CHAF1A: variants seen among roughly 807,000 people sequenced by gnomAD.
CHAF1A encodes CAF-1 subunit A.
CHAF1A carries 5 observed loss-of-function variants against 93.2 expected under a neutral mutation model. The ratio of observed to expected loss-of-function variants is 0.05; its 90% CI spans 0.03 to 0.11. The LOEUF is 0.11. Among genes scored for constraint, CHAF1A ranks in the 10% least tolerant of loss-of-function variants. The pLI is 1.00. For missense variants in CHAF1A, 1,102 were observed against 1,259.9 expected (o/e 0.87, Z 1.90); for synonymous variants, 504 against 510.3 (o/e 0.99, Z 0.17).
At chr19:4,434,899 C>T (rs1018584845) in intron 13 of CHAF1A, among the ~76,000 whole-genome samples, 1 of 152,022 alleles carries the variant, frequency 6.6e-6, no homozygotes, top group Non-Finnish European at 1.5e-5. Context: ...CTCGGAGGCA[C>T]AAGCGCATGG....
downstream of CHAF1A, chr19:4,446,153 C>T (rs374021818): frequency 2.5e-5 from 40 of 1,610,714 alleles, no homozygotes; most frequent in Admixed American, 3.3e-5. Flanking sequence ...GCCTCCCGGA[C>T]GAACCCGTAC....
intron 3 of CHAF1A, among the ~76,000 whole-genome samples, chr19:4,413,002 G>A (rs572654844): frequency 6.8e-4 from 103 of 152,238 alleles, no homozygotes; most frequent in African/African-American, 2.3e-3. Context: ...CTTTATCTCC[G>A]AACCTTTAAG....
chr19:4,433,264 C>A lies in CHAF1A; in HGVS notation c.2398C>A (p.Arg800=), dbSNP rs1974222312. The change falls in exon 13 of 15, where the codon CGG becomes AGG. Residue 800 remains arginine, a synonymous_variant. Coordinates refer to ENST00000301280, the MANE Select transcript of CHAF1A (RefSeq NM_005483.3). This position sits in a 1 kb window ranked among gnomAD's most constrained non-coding sequence, Gnocchi z 5.6. ...AAIPSKSRLK[R]LISENSVYEK... ...CATCCCCTCTAAGTCCCGGCTCAAG[C>A]GGCTCATTTCCGAGAACTCAGTGTA... The A allele has an allele frequency of 6.2e-7, 1 of 1,614,196 alleles. No individual in the cohort carries two copies. The highest frequency in any genetic ancestry group is 8.5e-7 in the Non-Finnish European group (1 of 1,180,036).
In CHAF1A at chr19:4,439,691, G is replaced by A. The variant is rs138875531; in HGVS notation, c.2674-2554G>A. On this transcript the variant is annotated intron_variant, in intron 13 of 14. Transcript: ENST00000301280. ...GATCAGAATGTCCCTCCTCAGCAGC[G>A]TCTACAGGGGACTCTTAGACTCTTC... 1.2e-3 allele frequency among the ~76,000 whole-genome samples: 181 copies of A among 152,370 alleles called. 1 individual carries two copies. The highest frequency in any genetic ancestry group is 4.1e-3 in the African/African-American group (172 of 41,590).
chr19:4,429,868 C>A, intron 10 of CHAF1A, 80 bp downstream of exon 10: 1 of 1,271,648 alleles, frequency 7.9e-7, no homozygotes, highest in Non-Finnish European at 1.1e-6. Flanking sequence ...GCTAAGGATG[C>A]AGCCCAGCTG....
rs10549561 is a variant in CHAF1A, at chr19:4,418,409, C to CTT, written c.1017+356_1017+357dup. ...AGTCCATTTCCTTGTAGTCCTGTCT[C>CTT]TTTTTTTTTTTTTTTTTTTTTTTTG... On this transcript the variant is annotated intron_variant, in intron 4 of 14. Transcript: ENST00000301280. Among the ~76,000 whole-genome samples, 238 of 107,018 alleles carry CTT rather than the reference C, an allele frequency of 2.2e-3. 3 individuals are homozygous for CTT. Among genetic ancestry groups the CTT allele is most frequent in the African/African-American group, 6.7e-3 (193 of 28,948 alleles). The allele number at this position is 107,018 out of a possible 152,430, so 70.2% of individuals were successfully genotyped here.
intron 13 of CHAF1A, among the ~76,000 whole-genome samples, chr19:4,434,888 C>T (rs1974253893): frequency 1.3e-5 from 2 of 152,002 alleles, no homozygotes; most frequent in South Asian, 2.1e-4. Context: ...CTTATGGGTG[C>T]CTCGGAGGCA....
At chr19:4,402,905 G>A (rs893535055) in intron 1 of CHAF1A, 91 bp downstream of exon 1, 4 of 801,178 alleles carry the variant, frequency 5.0e-6, no homozygotes, top group Non-Finnish European at 6.6e-6. Flanking sequence ...GGGCCTCCGG[G>A]CGCCAAGCCT....
downstream of CHAF1A, chr19:4,447,161 G>C: frequency 1.7e-6 from 1 of 594,774 alleles, no homozygotes; most frequent in Non-Finnish European, 3.0e-6. Flanking sequence ...GAGTGAGGCT[G>C]AGGAGCCAGA....
rs778100682 is a variant in CHAF1A, at chr19:4,408,461, CTTTTTTTTTTTTTTTTTTT to C, written c.104-430_104-412del. Among the ~76,000 whole-genome samples the C allele has an allele frequency of 3.7e-3, 132 of 36,020 alleles. 6 individuals are homozygous for C. The Middle Eastern group carries it at 0.083, about 23-fold the overall frequency. 23.6% of individuals were successfully genotyped at this position (36,020 alleles called of 152,430 possible). A position where few individuals can be genotyped will look rare whatever the true frequency, so the allele number is the denominator to read the frequency against. ...CCTGCCTTGGCCTCCCGCACCCGGC[CTTTTTTTTTTTTTTTTTTT>C]TTTTTTTTTTTGAGAGGGAGTCTGT... On this transcript the variant is annotated intron_variant, in intron 2 of 14. Transcript: ENST00000301280.
rs375902081 is a variant in CHAF1A at position 4,423,789 on chromosome 19, A to G, written c.1309-17A>G. ...TCTTCCTCTCCTCTTTCTCATCACCATCTCTTAACATCACAGCGCATTAAA... is the reference window on the plus strand; with the variant it reads ...TCTTCCTCTCCTCTTTCTCATCACCGTCTCTTAACATCACAGCGCATTAAA... On this transcript the variant is annotated splice_polypyrimidine_tract_variant and intron_variant, in intron 6 of 14. Transcript: ENST00000301280. 21 of 1,612,728 alleles carry G rather than the reference A, an allele frequency of 1.3e-5. No homozygotes were observed. The African/African-American group carries it at 1.3e-4, about 10-fold the overall frequency.
intron 6 of CHAF1A, 141 bp downstream of exon 6, chr19:4,423,536 T>A (rs1044773992): frequency 7.0e-7 from 1 of 1,421,566 alleles, no homozygotes; most frequent in African/African-American, 1.4e-5. Context: ...GGCGAGTCTG[T>A]CTAGATGCGT....
At chr19:4,447,539 G>A, downstream of CHAF1A, 2 of 1,613,206 alleles carry the variant, frequency 1.2e-6, no homozygotes, top group Non-Finnish European at 1.7e-6. Context: ...GGGGCCAGAA[G>A]GCACGCCCAC....
intron 4 of CHAF1A, among the ~76,000 whole-genome samples, chr19:4,418,800 C>G (rs1485592938): frequency 6.6e-6 from 1 of 152,110 alleles, no homozygotes; most frequent in Non-Finnish European, 1.5e-5. Context: ...TAGTGACTCT[C>G]TGCTTAGTCT....
At position 4,436,120 on chromosome 19, in the gene CHAF1A, C is replaced by T. The variant is rs558555045; in HGVS notation, c.2673+2581C>T. On this transcript the variant is annotated intron_variant, in intron 13 of 14. Coordinates refer to ENST00000301280, the MANE Select transcript of CHAF1A (RefSeq NM_005483.3). The stretch of plus-strand genomic sequence containing the variant: ...CACCATTGTACTCGAGCCTGGGCAA[C>T]ACAGCAAGATTCTAGTCCCCCAAAA... 2.0e-5 allele frequency among the ~76,000 whole-genome samples: 3 copies of T among 151,710 alleles called. No homozygotes were observed. In the South Asian group the frequency reaches 6.2e-4, roughly 32 times the overall value.
Position 4,418,064 on chromosome 19 carries a change from C to T in CHAF1A, c.1005C>T (p.Leu335=). 1 of 1,603,672 alleles carries T rather than the reference C, an allele frequency of 6.2e-7. No individual in the cohort carries two copies. Among genetic ancestry groups the T allele is most frequent in the Non-Finnish European group, 8.5e-7 (1 of 1,174,974 alleles). ...AAGGCTCTACAGAGAAGAACAAGCT[C>T]AGACTGCAAAGAGTAAGACATTTTC... is the stretch of plus-strand genomic sequence containing the variant. ...FVKGSTEKNK[L]RLQRDQERLG... The change falls in exon 4 of 15, where the codon CTC becomes CTT. Residue 335 remains leucine, a synonymous_variant. Transcript: ENST00000301280.
At chr19:4,448,223 G>A (rs1974579349), downstream of CHAF1A, 4 of 1,136,874 alleles carry the variant, frequency 3.5e-6, no homozygotes, top group Admixed American at 6.0e-5. Context: ...CACCTCAGCA[G>A]GTAATGAGGG....
Position 4,428,832 on chromosome 19 carries a change from C to A in CHAF1A, c.1546C>A (p.Gln516Lys). The A allele has an allele frequency of 6.2e-7, 1 of 1,614,034 alleles. No individual in the cohort carries two copies. Among genetic ancestry groups the A allele is most frequent in the African/African-American group, 1.3e-5 (1 of 75,058 alleles). The change falls in exon 8 of 15, where the codon CAG becomes AAG. Residue 516 changes from glutamine (Q) to lysine (K), a missense_variant. By Grantham distance (53) the Gln-to-Lys change is moderately conservative. Around this residue, in one of 6 missense-constraint regions of CHAF1A, gnomAD observed 165 missense variants for 243.9 expected, o/e 0.68. Transcript: ENST00000301280. ...CTTCTTGAAAGACCTCAAAGGCCGG[C>A]AGCCCCTGAGGTCCGGACCCACGCA... The part of the protein sequence containing the change: ...FSFLKDLKGR[Q>K]PLRSGPTHVS...
chr19:4,419,469 GCCCAGGC>G (rs903487738), intron 4 of CHAF1A, among the ~76,000 whole-genome samples: 9 of 151,472 alleles, frequency 5.9e-5, no homozygotes, highest in African/African-American at 2.2e-4. Flanking sequence ...AGTCTCTGTT[GCCCAGGC>G]TGGAGTGTAG....
Sources: gnomAD v4.1 joint callset for allele counts (sites outside exome capture counted in the v4.1 genomes callset) on GRCh38, gnomAD v4.1.1 for gene constraint, gnomAD v4.1.1 regional missense constraint, Gnocchi (gnomAD v3.1) non-coding constraint, MANE v1.5 for transcripts, NCBI Gene and HGNC (gene_info 2026-07-23, HGNC 2026-07-21) for gene names.